GPHN: variants seen among roughly 807,000 people sequenced by gnomAD.
GPHN encodes gephyrin.
GPHN carries 17 observed loss-of-function variants against 95.5 expected under a neutral mutation model. That is an observed-to-expected ratio of 0.18 (90% confidence interval 0.12 to 0.27). The LOEUF (loss-of-function observed/expected upper bound fraction) is 0.27, where lower values mean the gene tolerates loss of function less well. Among genes scored for constraint, GPHN ranks in the 10% least tolerant of loss-of-function variants. The probability of loss-of-function intolerance (pLI) is 1.00; values close to 1 mark genes in which losing one functional copy is unlikely to be tolerated. For missense variants in GPHN, 660 were observed against 978.1 expected (o/e 0.67, Z 4.34); for synonymous variants, 320 against 322.5 (o/e 0.99, Z 0.08).
chr14:67,626,250 T>A, the GPHN span, among the ~76,000 whole-genome samples: 1 of 151,162 alleles, frequency 6.6e-6, no homozygotes, highest in South Asian at 2.1e-4. Context: ...TGAGACTCTG[T>A]CTCAGGGGAA....
the GPHN span, among the ~76,000 whole-genome samples, chr14:67,568,652 G>A: frequency 6.6e-6 from 1 of 152,086 alleles, no homozygotes; most frequent in Non-Finnish European, 1.5e-5. Flanking sequence ...TTTTAAAAAT[G>A]TGCCCTAAGT....
At chr14:67,488,780 G>C in the GPHN span, 1 of 152,360 alleles carries the variant, frequency 6.6e-6, no homozygotes, top group Non-Finnish European at 1.5e-5. Context: ...GGTTACTGCA[G>C]CCAGCTCTGG....
At chr14:67,205,201 T>A in the GPHN span, 1 of 1,090,286 alleles carries the variant, frequency 9.2e-7, no homozygotes, top group Non-Finnish European at 1.3e-6. Context: ...GGAACCTACC[T>A]ACTCCGAGAA....
chr14:66,521,260 A>G (rs1566750556), intron 1 of GPHN, among the ~76,000 whole-genome samples: 1 of 149,922 alleles, frequency 6.7e-6, no homozygotes, highest in Non-Finnish European at 1.5e-5. Context: ...GTCAGAGGAA[A>G]TTTTTTTTTT....
intron 1 of GPHN, among the ~76,000 whole-genome samples, chr14:66,598,980 T>A (rs2062104883): frequency 6.6e-6 from 1 of 152,176 alleles, no homozygotes; most frequent in Non-Finnish European, 1.5e-5. Flanking sequence ...AATTTTTTTA[T>A]ACGTTGTGCA....
chr14:67,107,577 C>T (rs1319675419), intron 13 of GPHN, among the ~76,000 whole-genome samples: 2 of 152,130 alleles, frequency 1.3e-5, no homozygotes, highest in Non-Finnish European at 2.9e-5. Flanking sequence ...GCTCAGGAAC[C>T]AGAGCCAGTA....
intron 8 of GPHN, among the ~76,000 whole-genome samples, chr14:66,956,087 A>G (rs2068488895): frequency 1.3e-5 from 2 of 152,104 alleles, no homozygotes; most frequent in Admixed American, 1.3e-4. Context: ...TATTTCATTT[A>G]TCTCCACTAT....
the GPHN span, among the ~76,000 whole-genome samples, chr14:67,323,338 T>G: frequency 6.6e-6 from 1 of 151,420 alleles, no homozygotes; most frequent in Non-Finnish European, 1.5e-5. Flanking sequence ...TTGGGCCAGG[T>G]GCAGTGGCTC....
the GPHN span, chr14:67,685,303 A>T: frequency 2.2e-6 from 2 of 913,180 alleles, no homozygotes; most frequent in Non-Finnish European, 3.3e-6. Context: ...ACCTTCACAT[A>T]TGGACTCTTT....
intron 1 of GPHN, among the ~76,000 whole-genome samples, chr14:66,516,538 T>G (rs2058254692): frequency 6.6e-6 from 1 of 152,200 alleles, no homozygotes; most frequent in African/African-American, 2.4e-5. Flanking sequence ...GGCACATATT[T>G]TCACTTTTGG....
chr14:66,609,233 T>A (rs949429580), intron 1 of GPHN, among the ~76,000 whole-genome samples: 7 of 152,144 alleles, frequency 4.6e-5, no homozygotes, highest in Admixed American at 6.6e-5. Flanking sequence ...AAATTCTTCA[T>A]TGGAATTTAT....
At chr14:67,357,673 G>C in the GPHN span, among the ~76,000 whole-genome samples, 1 of 152,212 alleles carries the variant, frequency 6.6e-6, no homozygotes, top group African/African-American at 2.4e-5. Flanking sequence ...GTAAACCACT[G>C]ATAGTAGGGG....
At chr14:66,703,353 C>G (rs981394327) in intron 2 of GPHN, among the ~76,000 whole-genome samples, 7 of 152,030 alleles carry the variant, frequency 4.6e-5, no homozygotes. Context: ...TCAGATTCTC[C>G]AAGGACAAAA....
the GPHN span, among the ~76,000 whole-genome samples, chr14:67,463,991 C>T: frequency 6.6e-6 from 1 of 152,130 alleles, no homozygotes; most frequent in Admixed American, 6.6e-5. Flanking sequence ...CTTGAGCTCC[C>T]AGGTAGCTTC....
chr14:67,690,889 C>G, the GPHN span: 1 of 496,718 alleles, frequency 2.0e-6, no homozygotes, highest in East Asian at 3.5e-5. Context: ...AACACAGTCC[C>G]CTAAACCAAT....
At chr14:67,450,441 A>G in the GPHN span, among the ~76,000 whole-genome samples, 55 of 152,200 alleles carry the variant, frequency 3.6e-4, no homozygotes, top group African/African-American at 1.3e-3. Flanking sequence ...CTTCCTAGAG[A>G]CTTGTTGAAT....
At chr14:67,693,848 A>C in the GPHN span, among the ~76,000 whole-genome samples, 4 of 151,970 alleles carry the variant, frequency 2.6e-5, no homozygotes, top group Non-Finnish European at 5.9e-5. Flanking sequence ...ACAGGGTTTC[A>C]CCACGCTGGC....
At chr14:67,122,410 A>T (rs751809127) in intron 17 of GPHN, 33 bp downstream of exon 17, 1 of 1,598,712 alleles carries the variant, frequency 6.3e-7, no homozygotes, top group Admixed American at 1.7e-5. Context: ...AAAAGTTTGT[A>T]TTGTACAAAT....
the GPHN span, among the ~76,000 whole-genome samples, chr14:67,721,999 GA>G: frequency 7.9e-5 from 12 of 152,144 alleles, no homozygotes; most frequent in African/African-American, 2.6e-4. Flanking sequence ...TGCACAAGTC[GA>G]AAGCATACGA....
Sources: allele counts gnomAD v4.1 joint callset (sites outside exome capture counted in the v4.1 genomes callset), GRCh38; gene constraint gnomAD v4.1.1; transcripts MANE v1.5; gene names NCBI Gene and HGNC (gene_info 2026-07-23, HGNC 2026-07-21).